The following FLNC variants were observed in gnomAD, a reference collection of about 807,000 sequenced individuals.
The protein encoded by FLNC is filamin C, also known as filamin-C.
Under a neutral mutation model 254.3 loss-of-function variants are expected in FLNC, and 91 were observed. That is an observed-to-expected ratio of 0.36 (90% confidence interval 0.30 to 0.43). The LOEUF (loss-of-function observed/expected upper bound fraction) is 0.43, where lower values mean the gene tolerates loss of function less well. Among genes scored for constraint, FLNC ranks in the 20% least tolerant of loss-of-function variants. The pLI is 1.00. For missense variants in FLNC, 2,853 were observed against 3,802.6 expected, an observed-to-expected ratio of 0.75 and a Z score of 6.57; for synonymous variants, 1,430 against 1,577.2, an observed-to-expected ratio of 0.91 and a Z score of 2.21.
At chr7:128,847,633 C>T in intron 24 of FLNC, 64 bp from the exon 25 acceptor site, 1 of 1,597,200 alleles carries the variant, frequency 6.3e-7, no homozygotes, top group Non-Finnish European at 8.6e-7. Context: ...TCCTCCGAGG[C>T]TCCTCAGCAT....
At position 128,841,490 on chromosome 7, in the gene FLNC, T is replaced by C. The variant is rs746656812; in HGVS notation, c.2044T>C (p.Cys682Arg). 6.2e-7 allele frequency: 1 copy of C among 1,614,182 alleles called. No homozygotes were observed. The highest frequency in any genetic ancestry group is 1.1e-5 in the South Asian group (1 of 91,084). Residue 682 changes from cysteine to arginine, a missense_variant, in exon 13 of 48, where the codon TGC becomes CGC. Cys to Arg is a radical substitution (Grantham distance 180). Around this residue, in one of 10 missense-constraint regions of FLNC, gnomAD observed 1,573 missense variants for 1,883.5 expected, o/e 0.84. Transcript: ENST00000325888. This position sits in a 1 kb window ranked among gnomAD's most constrained non-coding sequence, Gnocchi z 4.3. ...TGGGCCTGGCCTGGAGCCTACCGGC[T>C]GCATCGTGGACAAGCCCGCTGAGTT... ...AFGPGLEPTG[C>R]IVDKPAEFTI...
chr7:128,837,262 A>C lies in FLNC; in HGVS notation c.699+5A>C. On this transcript the variant is annotated splice_donor_5th_base_variant and intron_variant, in intron 3 of 47. Coordinates refer to ENST00000325888, the MANE Select transcript of FLNC (RefSeq NM_001458.5). ...GACTGGCTTGGGGTGCCCCAGGTAC[A>C]TGCGCAGATGGGGCAGGGGGGAAAG... 6.8e-7 allele frequency: 1 copy of C among 1,480,706 alleles called. No individual in the cohort carries two copies. Among genetic ancestry groups the C allele is most frequent in the East Asian group, 2.4e-5 (1 of 41,188 alleles). 91.7% of individuals were successfully genotyped at this position (1,480,706 alleles called of 1,614,324 possible).
At chr7:128,838,491 TG>T in intron 7 of FLNC, 62 bp downstream of exon 7, 1 of 537,412 alleles carries the variant, frequency 1.9e-6, no homozygotes, top group Non-Finnish European at 3.0e-6. Context: ...TGTGTGGGGG[TG>T]GGGGGAGGCT....
chr7:128,831,515 C>T (rs1349933396), intron 1 of FLNC, among the ~76,000 whole-genome samples: 1 of 152,198 alleles, frequency 6.6e-6, no homozygotes, highest in Non-Finnish European at 1.5e-5. Flanking sequence ...AGGCCCTCTT[C>T]GTGCATGTGC....
At chr7:128,848,112 G>A (rs1341741053) in intron 26 of FLNC, 44 bp downstream of exon 26, 2 of 1,567,626 alleles carry the variant, frequency 1.3e-6, no homozygotes, top group East Asian at 2.4e-5. Flanking sequence ...TGAGCTCTGG[G>A]GTGCTCCTGC....
rs1351615612 is a variant in FLNC, at chr7:128,846,143, A to G, written c.3944A>G (p.Gln1315Arg). ...TDNGDGTYRV[Q>R]YTAYEEGVHL... ...AATGGGGACGGCACCTACCGAGTGC[A>G]GTACACCGCCTACGAGGAGGGTGAG... The change falls in exon 22 of 48, where the codon CAG becomes CGG. Residue 1315 changes from glutamine to arginine, a missense_variant. Coordinates refer to ENST00000325888, the MANE Select transcript of FLNC (RefSeq NM_001458.5). The G allele has an allele frequency of 6.2e-7, 1 of 1,613,980 alleles. No homozygotes were observed. The highest frequency in any genetic ancestry group is 2.2e-5 in the East Asian group (1 of 44,844).
chr7:128,854,187 C>A lies in FLNC; in HGVS notation c.6698C>A (p.Ser2233Tyr). ...TTCCTGGGCCGGGAGCGCCTGGGAT[C>A]CTTCGGCAGCATCACCCGGCAGCAG... ...GDFLGRERLG[S>Y]FGSITRQQEG... The change falls in exon 40 of 48, where the codon TCC becomes TAC. Residue 2233 changes from serine (S) to tyrosine (Y), a missense_variant. Transcript: ENST00000325888. 3.7e-6 allele frequency: 6 copies of A among 1,608,282 alleles called. No individual in the cohort carries two copies. Among genetic ancestry groups the A allele is most frequent in the South Asian group, 1.1e-5 (1 of 90,938 alleles).
Position 128,858,576 on chromosome 7 carries a change from T to A in FLNC, c.*53T>A. 1 of 997,856 alleles carries A rather than the reference T, an allele frequency of 1.0e-6. No homozygotes were observed. The highest frequency in any genetic ancestry group is 1.6e-6 in the Non-Finnish European group (1 of 641,992). The allele number at this position is 997,856 out of a possible 1,614,324, so 61.8% of individuals were successfully genotyped here. A position where few individuals can be genotyped will look rare whatever the true frequency, so the allele number is the denominator to read the frequency against. ...CCCCCACCTCCAGCCACACACACAT[T>A]ACACACACACACACACACACACAAA... is the stretch of plus-strand genomic sequence containing the variant. On this transcript the variant is annotated 3_prime_UTR_variant, in exon 48 of 48. Transcript: ENST00000325888. This position sits in a 1 kb window ranked among gnomAD's most constrained non-coding sequence, Gnocchi z 6.7.
Position 128,848,561 on chromosome 7 carries a change from C to T in FLNC, c.4581C>T (p.Ser1527=). 1 of 1,613,910 alleles carries T rather than the reference C, an allele frequency of 6.2e-7. No individual in the cohort carries two copies. The highest frequency in any genetic ancestry group is 8.5e-7 in the Non-Finnish European group (1 of 1,180,034). The change falls in exon 27 of 48, where the codon AGC becomes AGT. Residue 1527 remains serine, a splice_region_variant and synonymous_variant. Coordinates refer to ENST00000325888, the MANE Select transcript of FLNC (RefSeq NM_001458.5). ...CTGTTTATCCCTTCTGCTCCTCAAGCCCCTTCAAGATCAAGGTCCTCCCAG... is the reference window on the plus strand; with the variant it reads ...CTGTTTATCCCTTCTGCTCCTCAAGTCCCTTCAAGATCAAGGTCCTCCCAG... ...VKYADQEVPR[S]PFKIKVLPAH...
At chr7:128,831,773 G>C (rs1340418155) in intron 1 of FLNC, among the ~76,000 whole-genome samples, 1 of 151,940 alleles carries the variant, frequency 6.6e-6, no homozygotes, top group Non-Finnish European at 1.5e-5. Context: ...GGAAGTCTTT[G>C]AGTGTAACCA....
chr7:128,834,311 G>GCCCC (rs34045649), intron 1 of FLNC, among the ~76,000 whole-genome samples: 9 of 125,524 alleles, frequency 7.2e-5, no homozygotes, highest in African/African-American at 2.9e-4. Flanking sequence ...GGATCTAGGC[G>GCCCC]CCCCCCCCCC....
chr7:128,830,686 G>A lies in FLNC; in HGVS notation c.49G>A (p.Glu17Lys), dbSNP rs1807849793. 6.2e-7 allele frequency: 1 copy of A among 1,612,850 alleles called. No individual in the cohort carries two copies. The highest frequency in any genetic ancestry group is 8.5e-7 in the Non-Finnish European group (1 of 1,179,968). ...AGACGCCGGCCTCGGCCTGGGCGAT[G>A]AGACAGACGAGATGCCGTCCACGGA... ...YSDAGLGLGDETDEMPSTEKD... is the reference protein window; with the variant it reads ...YSDAGLGLGDKTDEMPSTEKD... Residue 17 changes from glutamate to lysine, a missense_variant, in exon 1 of 48, where the codon GAG (glutamate) becomes AAG (lysine). Physicochemically the swap from Glu to Lys is moderately conservative, Grantham distance 56. This residue lies in a region of FLNC where 37 missense variants were observed against 32.7 expected (regional missense o/e 1.13). Transcript: ENST00000325888.
intron 26 of FLNC, 116 bp from the exon 27 acceptor site, chr7:128,848,445 C>G (rs1267413760): frequency 9.6e-6 from 11 of 1,144,562 alleles, no homozygotes; most frequent in Middle Eastern, 1.9e-4. Flanking sequence ...CCTCCCTGCC[C>G]CACAGTCCTC....
chr7:128,847,708 C>T lies in FLNC; in HGVS notation c.4300C>T (p.Arg1434Cys), dbSNP rs536331212. 9.9e-6 allele frequency: 16 copies of T among 1,614,052 alleles called. No homozygotes were observed. Among genetic ancestry groups the T allele is most frequent in the East Asian group, 4.5e-5 (2 of 44,872 alleles). The change falls in exon 25 of 48, where the codon CGC becomes TGC. Residue 1434 changes from arginine to cysteine, a missense_variant. Coordinates refer to ENST00000325888, the MANE Select transcript of FLNC (RefSeq NM_001458.5). Reference protein sequence around the residue: ...GGRPIPGSPFRVPVKDVVDPG... With the variant: ...GGRPIPGSPFCVPVKDVVDPG... Reference sequence around the variant, plus strand: ...CCTTCTCCTCACAGGGAGCCCGTTCCGCGTGCCAGTGAAGGATGTGGTGGA... The same window carrying T: ...CCTTCTCCTCACAGGGAGCCCGTTCTGCGTGCCAGTGAAGGATGTGGTGGA...
chr7:128,857,288 G>C lies in FLNC; in HGVS notation c.7732G>C (p.Gly2578Arg). ...CAACTACCTCATTGCCATCAAGTAC[G>C]GTGGCCCCCAGCACATCGTGGGCAG... ...PGNYLIAIKY[G>R]GPQHIVGSPF... The change falls in exon 46 of 48, where the codon GGT becomes CGT. Residue 2578 changes from glycine (G) to arginine (R), a missense_variant. By Grantham distance (125) the Gly-to-Arg change is moderately radical. Coordinates refer to ENST00000325888, the MANE Select transcript of FLNC (RefSeq NM_001458.5). This position sits in a 1 kb window ranked among gnomAD's most constrained non-coding sequence, Gnocchi z 4.5. 6.2e-7 allele frequency: 1 copy of C among 1,613,890 alleles called. No homozygotes were observed. The highest frequency in any genetic ancestry group is 8.5e-7 in the Non-Finnish European group (1 of 1,179,976).
intron 8 of FLNC, 107 bp from the exon 9 acceptor site, chr7:128,839,916 C>A: frequency 7.0e-7 from 1 of 1,423,366 alleles, no homozygotes. Flanking sequence ...GGGCCGTGGG[C>A]CACTGCCTGT....
In FLNC at chr7:128,841,576, T is replaced by TAGG; in HGVS notation, c.2121+9_2121+10insAGG. On this transcript the variant is annotated intron_variant, in intron 13 of 47. Transcript: ENST00000325888. The surrounding 1 kb of genome is among the most constrained non-coding windows in gnomAD (Gnocchi z 4.3). ...TGAAGCTCTATGCCCAGGTAGGTCA[T>TAGG]TGTCCAGTCTCTGCTGCCCTTACTA... 1 of 1,602,990 alleles carries TAGG rather than the reference T, an allele frequency of 6.2e-7. No homozygotes were observed. Among genetic ancestry groups the TAGG allele is most frequent in the Non-Finnish European group, 8.5e-7 (1 of 1,169,788 alleles).
Position 128,840,018 on chromosome 7 carries a change from C to A in FLNC, c.1412-5C>A. ...CCCCCAACCTCCTTTCTCTTCCTCC[C>A]CTAGCCTGTAACCCCAACGCCTGCC... On this transcript the variant is annotated splice_polypyrimidine_tract_variant and splice_region_variant and intron_variant, in intron 8 of 47. Coordinates refer to ENST00000325888, the MANE Select transcript of FLNC (RefSeq NM_001458.5). 1 of 1,612,830 alleles carries A rather than the reference C, an allele frequency of 6.2e-7. No homozygotes were observed. The highest frequency in any genetic ancestry group is 1.1e-5 in the South Asian group (1 of 91,058).
rs747289343 is a variant in FLNC at position 128,840,029 on chromosome 7, A to G, written c.1418A>G (p.Asn473Ser). ...CTTTCTCTTCCTCCCCTAGCCTGTA[A>G]CCCCAACGCCTGCCGCGCCTCTGGG... ...PFPVHVSEAC[N>S]PNACRASGRG... Residue 473 changes from asparagine to serine, a missense_variant, in exon 9 of 48, where the codon AAC becomes AGC. Asn to Ser is a conservative substitution (Grantham distance 46, BLOSUM62 1). This residue lies in a region of FLNC where 1,573 missense variants were observed against 1,883.5 expected (regional missense o/e 0.84). Transcript: ENST00000325888. 1.2e-6 allele frequency: 2 copies of G among 1,613,338 alleles called. No individual in the cohort carries two copies. The highest frequency in any genetic ancestry group is 1.3e-5 in the African/African-American group (1 of 74,930).
Sources: allele counts gnomAD v4.1 joint callset (sites outside exome capture counted in the v4.1 genomes callset), GRCh38; gene constraint gnomAD v4.1.1; regional missense constraint gnomAD v4.1.1; non-coding constraint Gnocchi (gnomAD v3.1); transcripts MANE v1.5; gene names NCBI Gene and HGNC (gene_info 2026-07-23, HGNC 2026-07-21).